MTFMT: variants seen among roughly 807,000 people sequenced by gnomAD.
The protein encoded by MTFMT is methionyl-tRNA formyltransferase, mitochondrial.
Under a neutral mutation model 51.8 loss-of-function variants are expected in MTFMT, and 47 were observed. The ratio of observed to expected loss-of-function variants is 0.91; its 90% CI spans 0.72 to 1.16. The LOEUF (loss-of-function observed/expected upper bound fraction) is 1.16, where lower values mean the gene tolerates loss of function less well. Among genes scored for constraint, MTFMT ranks in the 50% most tolerant of loss-of-function variants. The probability of loss-of-function intolerance (pLI) is 0.00; values close to 1 mark genes in which losing one functional copy is unlikely to be tolerated. For synonymous variants in MTFMT, 196 were observed against 176.7 expected, an observed-to-expected ratio of 1.11 and a Z score of -0.87; for missense variants, 512 against 482.3, an observed-to-expected ratio of 1.06 and a Z score of -0.58.
chr15:65,014,219 T>A (rs1017914944), intron 6 of MTFMT, among the ~76,000 whole-genome samples: 1 of 152,178 alleles, frequency 6.6e-6, no homozygotes, highest in Admixed American at 6.5e-5. Context: ...TCAGCTTAAG[T>A]GTCAGAAAGA....
chr15:65,008,896 C>T (rs2086239995), intron 6 of MTFMT, among the ~76,000 whole-genome samples: 1 of 152,188 alleles, frequency 6.6e-6, no homozygotes, highest in Admixed American at 6.5e-5. Flanking sequence ...ATGCTAGGTA[C>T]ATACTCAGAA....
intron 2 of MTFMT, chr15:65,026,343 A>T: frequency 4.8e-6 from 1 of 206,674 alleles, no homozygotes; most frequent in South Asian, 9.4e-5. Flanking sequence ...ACAGCTTACA[A>T]AAGTTTTGTA....
At chr15:65,004,060 A>G (rs1315400871) in intron 8 of MTFMT, among the ~76,000 whole-genome samples, 1 of 151,300 alleles carries the variant, frequency 6.6e-6, no homozygotes, top group Non-Finnish European at 1.5e-5. Flanking sequence ...CTTATTGCCC[A>G]GGCTGGAGTG....
chr15:65,027,521 TTTAA>T (rs1259112350), intron 1 of MTFMT, among the ~76,000 whole-genome samples: 1 of 152,178 alleles, frequency 6.6e-6, no homozygotes, highest in African/African-American at 2.4e-5. Flanking sequence ...TTTATTTAAT[TTTAA>T]TTATTTAAAA....
intron 6 of MTFMT, 37 bp downstream of exon 6, chr15:65,016,399 C>A: frequency 3.1e-6 from 4 of 1,297,144 alleles, no homozygotes; most frequent in East Asian, 2.4e-5. Context: ...CATAGAAAAC[C>A]AACTAGGTAG....
At position 65,026,875 on chromosome 15, in the gene MTFMT, C is replaced by T. The variant is rs373862975; in HGVS notation, c.375G>A (p.Ser125=). 8.5e-5 allele frequency: 137 copies of T among 1,613,906 alleles called. No homozygotes were observed. In the African/African-American group the frequency reaches 1.5e-3, roughly 18 times the overall value. ...GAGCCTCATTCAAAAGTCGGCCAAA[C>T]GAAGCCACTACTCCAACATCATATT... The part of the protein sequence containing the change: ...SGEYDVGVVA[S]FGRLLNEALI... Residue 125 remains serine, a synonymous_variant, in exon 2 of 9, where the codon TCG becomes TCA. Coordinates refer to ENST00000220058, the MANE Select transcript of MTFMT (RefSeq NM_139242.4).
intron 6 of MTFMT, among the ~76,000 whole-genome samples, chr15:65,010,952 T>C (rs2086259051): frequency 6.6e-6 from 1 of 152,204 alleles, no homozygotes; most frequent in South Asian, 2.1e-4. Flanking sequence ...CTGATTTGCA[T>C]ATCCCTAAAG....
At chr15:65,006,908 CAGTGAT>C (rs2086224002) in intron 6 of MTFMT, among the ~76,000 whole-genome samples, 1 of 152,088 alleles carries the variant, frequency 6.6e-6, no homozygotes, top group African/African-American at 2.4e-5. Flanking sequence ...ATCTAGAACA[CAGTGAT>C]AGAGACAGGA....
At chr15:65,017,771 C>CTGGGTAA (rs562363857) in intron 5 of MTFMT, among the ~76,000 whole-genome samples, 137 of 151,980 alleles carry the variant, frequency 9.0e-4, no homozygotes, top group African/African-American at 3.2e-3. Context: ...GCACTTCAGC[C>CTGGGTAA]TGGGTAACAG....
Position 65,026,927 on chromosome 15 carries a change from TA to T in MTFMT, c.322del (p.Tyr108MetfsTer15), listed in dbSNP as rs1566945012. On this transcript the variant is annotated frameshift_variant, in exon 2 of 9. Coordinates refer to ENST00000220058, the MANE Select transcript of MTFMT (RefSeq NM_139242.4). LOFTEE classifies it high-confidence loss of function. ...QYAVQSQLPV[Y>X]EWPDVGSGEY... Reference sequence around the variant, plus strand: ...TCCAGATCCCACATCCGGCCACTCATATACGGGAAGCTGAGACTGCACAGCA... The same window carrying T: ...TCCAGATCCCACATCCGGCCACTCATTACGGGAAGCTGAGACTGCACAGCA... 6 of 1,614,010 alleles carry T rather than the reference TA, an allele frequency of 3.7e-6. No homozygotes were observed. The highest frequency in any genetic ancestry group is 5.1e-6 in the Non-Finnish European group (6 of 1,179,890).
intron 1 of MTFMT, among the ~76,000 whole-genome samples, chr15:65,027,490 G>A (rs1294552347): frequency 6.6e-6 from 1 of 151,976 alleles, no homozygotes; most frequent in Non-Finnish European, 1.5e-5. Flanking sequence ...TGAACACCGT[G>A]CCCAGCCTCA....
chr15:65,005,003 T>C, intron 7 of MTFMT, 67 bp from the exon 8 acceptor site: 1 of 1,140,762 alleles, frequency 8.8e-7, no homozygotes, highest in Non-Finnish European at 1.3e-6. Context: ...ATAGTACTTC[T>C]TAAAAATCAA....
At chr15:65,004,957 A>G (rs1367306674) in intron 7 of MTFMT, 21 bp from the exon 8 acceptor site, 4 of 1,554,990 alleles carry the variant, frequency 2.6e-6, no homozygotes, top group Non-Finnish European at 3.5e-6. Context: ...GAAAAAAGAA[A>G]AGATATACAA....
At chr15:65,025,950 A>G (rs1165683387) in intron 2 of MTFMT, 1 of 152,160 alleles carries the variant, frequency 6.6e-6, no homozygotes, top group Non-Finnish European at 1.5e-5. Flanking sequence ...TTGAAAAGAA[A>G]ATATCAGGCC....
chr15:65,020,901 T>C (rs2086368641), intron 4 of MTFMT, among the ~76,000 whole-genome samples: 1 of 152,154 alleles, frequency 6.6e-6, no homozygotes, highest in Non-Finnish European at 1.5e-5. Flanking sequence ...TATTATAAGA[T>C]CATTTGTGAG....
At chr15:65,007,346 G>T (rs1188535942) in intron 6 of MTFMT, among the ~76,000 whole-genome samples, 1 of 152,166 alleles carries the variant, frequency 6.6e-6, no homozygotes, top group Non-Finnish European at 1.5e-5. Flanking sequence ...GTTTTACAAG[G>T]ACTTTTGTTA....
In MTFMT at chr15:65,021,591, G is replaced by C. The variant is rs1595891858; in HGVS notation, c.568C>G (p.Gln190Glu). The change falls in exon 4 of 9, where the codon CAA becomes GAA. Residue 190 changes from glutamine to glutamate, a missense_variant. Coordinates refer to ENST00000220058, the MANE Select transcript of MTFMT (RefSeq NM_139242.4). ...KRFDVGPILK[Q>E]ETVPVPPKST... ...TTGGGTGGCACAGGAACAGTTTCTT[G>C]TTTGAGAATTGGGCCTACATCAAAC... 1.9e-6 allele frequency: 3 copies of C among 1,589,584 alleles called. No individual in the cohort carries two copies. The highest frequency in any genetic ancestry group is 2.6e-6 in the Non-Finnish European group (3 of 1,161,440).
intron 6 of MTFMT, among the ~76,000 whole-genome samples, chr15:65,014,633 T>C (rs1388468140): frequency 6.7e-6 from 1 of 149,924 alleles, no homozygotes; most frequent in East Asian, 2.0e-4. Context: ...GTCTTTTTTT[T>C]TTTTTTTCTT....
chr15:65,007,590 A>C (rs1032880293), intron 6 of MTFMT, among the ~76,000 whole-genome samples: 1 of 152,130 alleles, frequency 6.6e-6, no homozygotes, highest in Admixed American at 6.5e-5. Context: ...TTTTGTTTTT[A>C]AAGTGGAATG....
Sources: gnomAD v4.1 joint callset for allele counts (sites outside exome capture counted in the v4.1 genomes callset) on GRCh38, gnomAD v4.1.1 for gene constraint, MANE v1.5 for transcripts, NCBI Gene and HGNC (gene_info 2026-07-23, HGNC 2026-07-21) for gene names.